Variants in TLK1 observed in about 807,000 individuals in gnomAD.
TLK1 encodes the protein tousled like kinase 1.
In TLK1, 24 loss-of-function variants were observed where a neutral mutation model predicts 105.3. That is an observed-to-expected ratio of 0.23 (90% CI 0.17 to 0.32). The LOEUF (loss-of-function observed/expected upper bound fraction) is 0.32. Among genes scored for constraint, TLK1 ranks in the 10% least tolerant of loss-of-function variants. The pLI, the probability that TLK1 is intolerant of heterozygous loss-of-function variation, is 1.00. For synonymous variants in TLK1, 321 were observed against 310.4 expected (o/e 1.03, Z -0.36); for missense variants, 558 against 910.5 (o/e 0.61, Z 4.98).
intron 2 of TLK1, among the ~76,000 whole-genome samples, chr2:171,115,321 A>T (rs1054028922): frequency 6.6e-6 from 1 of 151,724 alleles, no homozygotes; most frequent in Non-Finnish European, 1.5e-5. Flanking sequence ...ACAGGCATGC[A>T]CCACCATGCC....
intron 1 of TLK1, among the ~76,000 whole-genome samples, chr2:171,181,308 A>G (rs1009128576): frequency 1.3e-5 from 2 of 152,200 alleles, no homozygotes; most frequent in Non-Finnish European, 2.9e-5. Flanking sequence ...AGGTGTCCAT[A>G]TAAAGACTCT....
At chr2:171,124,129 CTG>C (rs1265686544) in intron 1 of TLK1, among the ~76,000 whole-genome samples, 1 of 152,134 alleles carries the variant, frequency 6.6e-6, no homozygotes, top group African/African-American at 2.4e-5. Context: ...CTGAAAAATG[CTG>C]TGGGAACTAT....
Position 171,004,630 on chromosome 2 carries a change from G to C in TLK1, c.1904+1517C>G, listed in dbSNP as rs572182932. ...CTATACTAGTGAAGCCAGAGTGAGA[G>C]AGAAACAAATAATGAGAATGTCCTG... On this transcript the variant is annotated intron_variant, in intron 18 of 20. Transcript: ENST00000431350. Among the ~76,000 whole-genome samples the C allele has an allele frequency of 2.0e-5, 3 of 152,296 alleles. No homozygotes were observed. The South Asian group carries it at 6.2e-4, about 32-fold the overall frequency.
At chr2:171,086,523 G>A (rs1446251088) in intron 2 of TLK1, among the ~76,000 whole-genome samples, 1 of 151,992 alleles carries the variant, frequency 6.6e-6, no homozygotes, top group Non-Finnish European at 1.5e-5. Flanking sequence ...CTACTAGAGA[G>A]TCTGAGGCAG....
At chr2:171,124,849 T>C (rs922308336) in intron 1 of TLK1, among the ~76,000 whole-genome samples, 1 of 152,220 alleles carries the variant, frequency 6.6e-6, no homozygotes, top group African/African-American at 2.4e-5. Context: ...AGGCCAACTT[T>C]TCTGCCACTT....
chr2:171,138,882 T>C (rs1691453575), intron 1 of TLK1, among the ~76,000 whole-genome samples: 2 of 152,144 alleles, frequency 1.3e-5, no homozygotes, highest in Non-Finnish European at 2.9e-5. Context: ...TACAGTAACA[T>C]CCACAAAGAC....
intron 12 of TLK1, among the ~76,000 whole-genome samples, chr2:171,025,155 A>T (rs1355288076): frequency 6.6e-6 from 1 of 152,164 alleles, no homozygotes; most frequent in Non-Finnish European, 1.5e-5. Flanking sequence ...GAGTAAGGCT[A>T]TCTTTGGATT....
At chr2:171,003,803 A>G (rs1161054624) in intron 18 of TLK1, among the ~76,000 whole-genome samples, 3 of 152,228 alleles carry the variant, frequency 2.0e-5, no homozygotes, top group Non-Finnish European at 4.4e-5. Flanking sequence ...CTCAACTGCA[A>G]ATAGCACCAG....
At chr2:171,229,231 A>T (rs145374890) in intron 1 of TLK1, among the ~76,000 whole-genome samples, 16 of 152,206 alleles carry the variant, frequency 1.1e-4, no homozygotes, top group African/African-American at 3.9e-4. Context: ...AAACCTCAAA[A>T]AGGAAGGAAC....
intron 2 of TLK1, among the ~76,000 whole-genome samples, chr2:171,104,498 T>G (rs1689832114): frequency 6.6e-6 from 1 of 152,098 alleles, no homozygotes; most frequent in South Asian, 2.1e-4. Flanking sequence ...ATCTACAGAT[T>G]CAATGCAATT....
chr2:171,020,065 A>G (rs1390082482), intron 12 of TLK1, among the ~76,000 whole-genome samples: 4 of 12,162 alleles, frequency 3.3e-4, no homozygotes, highest in Non-Finnish European at 5.0e-3. Context: ...CCGTCTCAGA[A>G]AAAAAAAAAA....
At chr2:171,081,770 TG>T in intron 3 of TLK1, 1 of 1,165,148 alleles carries the variant, frequency 8.6e-7, no homozygotes, top group Non-Finnish European at 1.1e-6. Flanking sequence ...AGTGTCAGGG[TG>T]CCTGCACAGA....
At chr2:171,044,760 C>T (rs1372400659) in intron 11 of TLK1, among the ~76,000 whole-genome samples, 1 of 152,124 alleles carries the variant, frequency 6.6e-6, no homozygotes, top group South Asian at 2.1e-4. Flanking sequence ...GAAGATGCAG[C>T]CGGATGAGTT....
intron 1 of TLK1, among the ~76,000 whole-genome samples, chr2:171,176,462 C>T (rs1183113627): frequency 6.6e-6 from 1 of 152,162 alleles, no homozygotes; most frequent in Non-Finnish European, 1.5e-5. Context: ...GCCCCCAAAC[C>T]TGTTCTTTCC....
At chr2:171,100,397 C>A (rs1420380653) in intron 2 of TLK1, among the ~76,000 whole-genome samples, 1 of 152,090 alleles carries the variant, frequency 6.6e-6, no homozygotes, top group Non-Finnish European at 1.5e-5. Flanking sequence ...CTTACTCTGG[C>A]AAGACTGGAT....
chr2:171,017,843 CTA>C (rs747020840), intron 12 of TLK1, among the ~76,000 whole-genome samples: 2 of 152,124 alleles, frequency 1.3e-5, no homozygotes, highest in Non-Finnish European at 1.5e-5. Context: ...AGGGAAGAAA[CTA>C]TGTCTTAAAT....
chr2:171,230,342 T>C lies in TLK1; in HGVS notation c.-6+803A>G, dbSNP rs373961452. On this transcript the variant is annotated intron_variant, in intron 1 of 20. Transcript: ENST00000521943. ...TCCAGATACTGCCCATTTGCATCCCTGCTGTCCCCAAAGATAAGATCTGTG... is the reference window on the plus strand; with the variant it reads ...TCCAGATACTGCCCATTTGCATCCCCGCTGTCCCCAAAGATAAGATCTGTG... Among the ~76,000 whole-genome samples the C allele has an allele frequency of 6.0e-4, 92 of 152,316 alleles. 1 individual carries two copies. In the South Asian group the frequency reaches 0.014, roughly 23 times the overall value.
At chr2:171,057,813 C>G (rs974005936) in intron 5 of TLK1, among the ~76,000 whole-genome samples, 8 of 152,002 alleles carry the variant, frequency 5.3e-5, no homozygotes, top group Non-Finnish European at 1.2e-4. Context: ...TCACTGCTGC[C>G]ACGGTCTGAC....
At chr2:171,197,484 A>T (rs908553883) in intron 1 of TLK1, among the ~76,000 whole-genome samples, 5 of 152,178 alleles carry the variant, frequency 3.3e-5, no homozygotes, top group Admixed American at 2.6e-4. Flanking sequence ...CATCAGAATC[A>T]CTTGGAGCAT....
Sources: gnomAD v4.1 joint callset for allele counts (sites outside exome capture counted in the v4.1 genomes callset) on GRCh38, gnomAD v4.1.1 for gene constraint, MANE v1.5 for transcripts, NCBI Gene and HGNC (gene_info 2026-07-23, HGNC 2026-07-21) for gene names.